TMEM132B: variants seen among roughly 807,000 people sequenced by gnomAD.
TMEM132B encodes transmembrane protein 132B.
Under a neutral mutation model 90.8 loss-of-function variants are expected in TMEM132B, and 18 were observed. The observed-to-expected ratio is 0.20, with a 90% CI of 0.14 to 0.29. The LOEUF is 0.29. Among genes scored for constraint, TMEM132B ranks in the 10% least tolerant of loss-of-function variants. TMEM132B has a pLI of 1.00. For synonymous variants in TMEM132B, 504 were observed against 523.3 expected (o/e 0.96, Z 0.50); for missense variants, 1,096 against 1,326.8 (o/e 0.83, Z 2.70).
chr12:125,242,152 C>A (rs1874085611), intron 1 of TMEM132B, among the ~76,000 whole-genome samples: 1 of 152,120 alleles, frequency 6.6e-6, no homozygotes, highest in Non-Finnish European at 1.5e-5. Flanking sequence ...AGTATCACCC[C>A]CATTTTTAAA....
chr12:125,465,209 A>C (rs1416379161), intron 3 of TMEM132B, among the ~76,000 whole-genome samples: 1 of 152,240 alleles, frequency 6.6e-6, no homozygotes, highest in Non-Finnish European at 1.5e-5. Flanking sequence ...TCTGTAAAAT[A>C]AGTGGGTTCA....
intron 3 of TMEM132B, among the ~76,000 whole-genome samples, chr12:125,417,769 C>G (rs552238049): frequency 6.6e-6 from 1 of 152,194 alleles, no homozygotes; most frequent in Non-Finnish European, 1.5e-5. Context: ...CATCTGCTAA[C>G]TTGGTCACTT....
chr12:125,436,574 G>GA (rs1369686563), intron 3 of TMEM132B, among the ~76,000 whole-genome samples: 2 of 152,146 alleles, frequency 1.3e-5, no homozygotes, highest in Non-Finnish European at 2.9e-5. Context: ...ACAAACCAAG[G>GA]AACTTCGAAG....
intron 3 of TMEM132B, among the ~76,000 whole-genome samples, chr12:125,419,648 A>G (rs148317510): frequency 7.4e-4 from 112 of 152,116 alleles, no homozygotes; most frequent in African/African-American, 2.7e-3. Context: ...CCCTTCCCAA[A>G]TCTCGTGTCC....
chr12:125,207,295 C>T (rs998507262), intron 1 of TMEM132B, among the ~76,000 whole-genome samples: 1 of 152,230 alleles, frequency 6.6e-6, no homozygotes, highest in Non-Finnish European at 1.5e-5. Flanking sequence ...AGCCCCAGTT[C>T]ACTCCACTGG....
At chr12:125,241,709 G>GA (rs796712442) in intron 1 of TMEM132B, among the ~76,000 whole-genome samples, 188 of 152,336 alleles carry the variant, frequency 1.2e-3, no homozygotes, top group African/African-American at 4.2e-3. Flanking sequence ...AGGGCCATGA[G>GA]AAAATACGTT....
At chr12:125,215,684 G>A (rs1873422941) in intron 1 of TMEM132B, among the ~76,000 whole-genome samples, 1 of 152,186 alleles carries the variant, frequency 6.6e-6, no homozygotes, top group South Asian at 2.1e-4. Flanking sequence ...TGGGATTACA[G>A]GCATGCGCCA....
chr12:125,533,249 C>T (rs1883694560), intron 4 of TMEM132B, among the ~76,000 whole-genome samples: 1 of 152,198 alleles, frequency 6.6e-6, no homozygotes, highest in Admixed American at 6.5e-5. Context: ...CTGCTTGTCA[C>T]ATAATACATG....
chr12:125,517,344 T>TGCA (rs1566060734), intron 3 of TMEM132B, among the ~76,000 whole-genome samples: 2 of 45,678 alleles, frequency 4.4e-5, no homozygotes, highest in African/African-American at 1.9e-4. Context: ...TTTTTTTTTT[T>TGCA]TTTTTTTTTT....
At chr12:125,242,299 A>T (rs1874090298) in intron 1 of TMEM132B, among the ~76,000 whole-genome samples, 1 of 152,144 alleles carries the variant, frequency 6.6e-6, no homozygotes, top group East Asian at 1.9e-4. Flanking sequence ...AGAGGTATGT[A>T]CCACCCTGCC....
intron 3 of TMEM132B, among the ~76,000 whole-genome samples, chr12:125,516,125 G>A (rs780896922): frequency 1.1e-4 from 17 of 148,766 alleles, no homozygotes; most frequent in Non-Finnish European, 1.3e-4. Flanking sequence ...ACACACTATC[G>A]CAATCTCACA....
At chr12:125,299,356 G>A (rs1024311851) in intron 1 of TMEM132B, among the ~76,000 whole-genome samples, 35 of 152,160 alleles carry the variant, frequency 2.3e-4, no homozygotes, top group African/African-American at 8.2e-4. Context: ...CCTCCCTGGC[G>A]GCTCCTCCCA....
rs1486970793 is a variant in TMEM132B at position 125,408,846 on chromosome 12, A to C, written c.960-6685A>C. On this transcript the variant is annotated intron_variant, in intron 2 of 8. Coordinates refer to ENST00000682704, the MANE Select transcript of TMEM132B (RefSeq NM_001366854.1). This position sits in a 1 kb window ranked among gnomAD's most constrained non-coding sequence, Gnocchi z 5.9. ...TACACTCATTCCAGCAATGTTCACG[A>C]GTCCCAGTCACTCCATGACCAGGCC... is the stretch of plus-strand genomic sequence containing the variant. 6.6e-6 allele frequency among the ~76,000 whole-genome samples: 1 copy of C among 152,200 alleles called. No individual in the cohort carries two copies. Among genetic ancestry groups the C allele is most frequent in the African/African-American group, 2.4e-5 (1 of 41,452 alleles).
At chr12:125,354,696 C>T (rs1877711888) in intron 2 of TMEM132B, among the ~76,000 whole-genome samples, 1 of 152,216 alleles carries the variant, frequency 6.6e-6, no homozygotes, top group Non-Finnish European at 1.5e-5. Context: ...AGTGAAACCA[C>T]CCTCCATTAT....
intron 3 of TMEM132B, among the ~76,000 whole-genome samples, chr12:125,456,062 C>A (rs973407402): frequency 2.0e-5 from 3 of 152,160 alleles, no homozygotes; most frequent in African/African-American, 7.2e-5. Context: ...ATTTTAGTTA[C>A]AAAAACAAGT....
chr12:125,360,228 A>G (rs1252285244), intron 2 of TMEM132B, among the ~76,000 whole-genome samples: 1 of 152,224 alleles, frequency 6.6e-6, no homozygotes, highest in African/African-American at 2.4e-5. Context: ...ATCTATAACC[A>G]GACAAACTTT....
chr12:125,383,214 G>A (rs372722805), intron 2 of TMEM132B, among the ~76,000 whole-genome samples: 157 of 152,284 alleles, frequency 1.0e-3, no homozygotes, highest in African/African-American at 3.7e-3. Context: ...AGAGTGTGAG[G>A]CTGACTGTGG....
intron 3 of TMEM132B, among the ~76,000 whole-genome samples, chr12:125,512,684 G>GAC (rs2136636119): frequency 6.6e-6 from 1 of 152,312 alleles, no homozygotes; most frequent in South Asian, 2.1e-4. Flanking sequence ...GTAGACCTTT[G>GAC]ACTGCCAACC....
intron 4 of TMEM132B, among the ~76,000 whole-genome samples, chr12:125,527,560 C>G (rs1399369148): frequency 1.6e-3 from 218 of 138,868 alleles, no homozygotes; most frequent in African/African-American, 4.4e-3. Context: ...ACCCTTCCAT[C>G]CACCCATCCA....
Sources: gnomAD v4.1 joint callset for allele counts (sites outside exome capture counted in the v4.1 genomes callset) on GRCh38, gnomAD v4.1.1 for gene constraint, Gnocchi (gnomAD v3.1) non-coding constraint, MANE v1.5 for transcripts, NCBI Gene and HGNC (gene_info 2026-07-23, HGNC 2026-07-21) for gene names.